The following UVRAG variants were observed in gnomAD, a reference collection of about 807,000 sequenced individuals.
UVRAG encodes UV radiation resistance-associated gene protein.
Under a neutral mutation model 78.0 loss-of-function variants are expected in UVRAG, and 19 were observed. That is an observed-to-expected ratio of 0.24 (90% confidence interval 0.17 to 0.36). UVRAG has a LOEUF of 0.36. Among genes scored for constraint, UVRAG ranks in the 10% least tolerant of loss-of-function variants. The pLI is 1.00. For missense variants in UVRAG, 740 were observed against 853.8 expected (o/e 0.87, Z 1.66); for synonymous variants, 323 against 324.6 (o/e 1.00, Z 0.05).
At position 76,016,924 on chromosome 11, in the gene UVRAG, G is replaced by A. The variant is rs759265443; in HGVS notation, c.1170G>A (p.Gly390=). The A allele has an allele frequency of 4.4e-6, 7 of 1,609,160 alleles. No homozygotes were observed. Among genetic ancestry groups the A allele is most frequent in the Non-Finnish European group, 5.9e-6 (7 of 1,177,210 alleles). Residue 390 remains glycine (G), a synonymous_variant, in exon 12 of 15, where the codon GGG becomes GGA. Transcript: ENST00000356136. The part of the protein sequence containing the change: ...VPLRYPIIHK[G]SRSTIKDNIN... ...TCAGATATCCTATAATTCATAAGGG[G>A]TCTAGATCAACAATCAAAGACAATA...
chr11:76,124,305 G>A lies in UVRAG; in HGVS notation c.1397+8290G>A, dbSNP rs76757857. Among the ~76,000 whole-genome samples the A allele has an allele frequency of 4.9e-3, 741 of 152,336 alleles. 4 individuals carry two copies. The highest frequency in any genetic ancestry group is 0.017 in the African/African-American group (690 of 41,578). On this transcript the variant is annotated intron_variant, in intron 14 of 14. Coordinates refer to ENST00000356136, the MANE Select transcript of UVRAG (RefSeq NM_003369.4). The stretch of plus-strand genomic sequence containing the variant: ...AGGAGACAAAGAAAGATTCAAAAGT[G>A]TAAGATTTTCCCTGCCATTGCTTAG...
chr11:76,005,601 T>A (rs1949919886), intron 9 of UVRAG, among the ~76,000 whole-genome samples: 1 of 152,202 alleles, frequency 6.6e-6, no homozygotes, highest in Admixed American at 6.5e-5. Flanking sequence ...GTCTTAGAAT[T>A]TCTCACTCTG....
chr11:75,828,882 A>G (rs1177191929), intron 1 of UVRAG, among the ~76,000 whole-genome samples: 1 of 143,610 alleles, frequency 7.0e-6, no homozygotes, highest in African/African-American at 2.6e-5. Flanking sequence ...ATGTCTGACT[A>G]ATTTTTGTAG....
At chr11:76,054,317 C>A (rs984049368) in intron 12 of UVRAG, among the ~76,000 whole-genome samples, 2 of 152,218 alleles carry the variant, frequency 1.3e-5, no homozygotes, top group African/African-American at 4.8e-5. Context: ...TTCTCACCAC[C>A]TCCACAGCCA....
At chr11:76,028,254 C>T (rs780986852) in intron 12 of UVRAG, among the ~76,000 whole-genome samples, 1 of 152,074 alleles carries the variant, frequency 6.6e-6, no homozygotes, top group Non-Finnish European at 1.5e-5. Context: ...TGTGTTCTGA[C>T]TGCTCCACTG....
rs185410844 is a variant in UVRAG at position 75,907,119 on chromosome 11, T to C, written c.508-4835T>C. On this transcript the variant is annotated intron_variant, in intron 5 of 14. Transcript: ENST00000356136. ...TAGATTGCTTTGGGTATTGTTCCTA[T>C]GTTGATAATATTAAGTCTTTATATC... 3.9e-3 allele frequency among the ~76,000 whole-genome samples: 592 copies of C among 152,360 alleles called. 4 individuals are homozygous for C. The highest frequency in any genetic ancestry group is 7.0e-3 in the Non-Finnish European group (479 of 68,032).
At chr11:75,851,144 T>C (rs1234504532) in intron 1 of UVRAG, among the ~76,000 whole-genome samples, 1 of 152,252 alleles carries the variant, frequency 6.6e-6, no homozygotes, top group Non-Finnish European at 1.5e-5. Context: ...GCCAACATTC[T>C]CTTTTTGATA....
chr11:76,115,364 CCT>C (rs1276556515), intron 13 of UVRAG, among the ~76,000 whole-genome samples: 4 of 152,194 alleles, frequency 2.6e-5, no homozygotes, highest in African/African-American at 9.6e-5. Flanking sequence ...CAGAGCACAG[CCT>C]CTGTCAAAAG....
intron 12 of UVRAG, among the ~76,000 whole-genome samples, chr11:76,023,117 T>A (rs1232359946): frequency 6.6e-6 from 1 of 152,214 alleles, no homozygotes; most frequent in East Asian, 1.9e-4. Flanking sequence ...GTGCCCATAA[T>A]ACTGTCTTTT....
chr11:75,886,405 C>A (rs930870247), intron 4 of UVRAG, among the ~76,000 whole-genome samples: 1 of 152,088 alleles, frequency 6.6e-6, no homozygotes, highest in Admixed American at 6.5e-5. Context: ...AATTCTTCTG[C>A]CCAGCTGTAA....
At chr11:76,004,608 TTCA>T (rs1949890355) in intron 9 of UVRAG, among the ~76,000 whole-genome samples, 1 of 3,146 alleles carries the variant, frequency 3.2e-4, no homozygotes, top group Non-Finnish European at 1.8e-3. Context: ...AAACATTTCA[TTCA>T]TTCATTCATT....
intron 3 of UVRAG, among the ~76,000 whole-genome samples, chr11:75,868,932 C>T (rs1471488272): frequency 6.6e-6 from 1 of 152,122 alleles, no homozygotes; most frequent in African/African-American, 2.4e-5. Context: ...TGTCTCTGTA[C>T]CTGGATTTTT....
Position 76,004,051 on chromosome 11 carries a change from A to G in UVRAG, c.873A>G (p.Glu291=), listed in dbSNP as rs748858918. 1.2e-6 allele frequency: 2 copies of G among 1,614,060 alleles called. No individual in the cohort carries two copies. Among genetic ancestry groups the G allele is most frequent in the South Asian group, 1.1e-5 (1 of 91,082 alleles). ...ACCTCAAACTTCAACTCCAGAAGGA[A>G]TCCCTAAATGAGCTGAGGAAGGAGT... ...AEHLKLQLQK[E]SLNELRKECT... The change falls in exon 9 of 15, where the codon GAA becomes GAG. Residue 291 remains glutamate (E), a synonymous_variant. Coordinates refer to ENST00000356136, the MANE Select transcript of UVRAG (RefSeq NM_003369.4).
chr11:76,076,782 G>A lies in UVRAG; in HGVS notation c.1305+10994G>A, dbSNP rs145625327. The stretch of plus-strand genomic sequence containing the variant: ...GGAGAAATAACTATTCCAACCCTTT[G>A]ACCATTTTTAAATTAGGTTGTATTT... On this transcript the variant is annotated intron_variant, in intron 13 of 14. Transcript: ENST00000356136. 9.2e-3 allele frequency among the ~76,000 whole-genome samples: 1,383 copies of A among 150,558 alleles called. 16 individuals carry two copies. The highest frequency in any genetic ancestry group is 0.015 in the Admixed American group (229 of 15,208).
chr11:76,121,254 G>A (rs766993504), intron 14 of UVRAG, among the ~76,000 whole-genome samples: 6 of 152,070 alleles, frequency 3.9e-5, no homozygotes, highest in Non-Finnish European at 8.8e-5. Flanking sequence ...AGTTGCACAG[G>A]GCACAGCTCT....
chr11:75,928,087 G>A (rs1948152852), intron 6 of UVRAG, among the ~76,000 whole-genome samples: 1 of 151,920 alleles, frequency 6.6e-6, no homozygotes, highest in South Asian at 2.1e-4. Flanking sequence ...GGCCAACAAA[G>A]CTGAGACCCC....
At chr11:75,932,296 T>TATTGATTG (rs534761822) in intron 6 of UVRAG, among the ~76,000 whole-genome samples, 3 of 151,584 alleles carry the variant, frequency 2.0e-5, no homozygotes, top group African/African-American at 7.3e-5. Context: ...TTTATTTATT[T>TATTGATTG]ATTTATTGAG....
chr11:76,072,690 T>A (rs1250950617), intron 13 of UVRAG, among the ~76,000 whole-genome samples: 2 of 152,220 alleles, frequency 1.3e-5, no homozygotes, highest in Non-Finnish European at 2.9e-5. Context: ...TATATAGGCA[T>A]TGAATTAGTT....
At chr11:75,960,298 GA>G (rs1410035276) in intron 6 of UVRAG, among the ~76,000 whole-genome samples, 1 of 150,748 alleles carries the variant, frequency 6.6e-6, no homozygotes, top group Non-Finnish European at 1.5e-5. Context: ...AAATATAATT[GA>G]TTTTTTTGTG....
Sources: gnomAD v4.1 joint callset for allele counts (sites outside exome capture counted in the v4.1 genomes callset) on GRCh38, gnomAD v4.1.1 for gene constraint, MANE v1.5 for transcripts, NCBI Gene and HGNC (gene_info 2026-07-23, HGNC 2026-07-21) for gene names.